Variants in PLEC observed in about 807,000 individuals in gnomAD.
PLEC encodes the protein plectin.
In PLEC, 216 loss-of-function variants were observed where a neutral mutation model predicts 392.8. That is an observed-to-expected ratio of 0.55 (90% CI 0.49 to 0.62). PLEC has a LOEUF of 0.62. Among genes scored for constraint, PLEC ranks in the 20% least tolerant of loss-of-function variants. The pLI is 0.00. For missense variants in PLEC, 6,863 were observed against 6,563.4 expected (o/e 1.05, Z -1.58); for synonymous variants, 3,621 against 2,980.6 (o/e 1.21, Z -7.00).
rs782181910 is a variant in PLEC, at chr8:143,923,061, C to A, written c.6868G>T (p.Ala2290Ser). 1 of 1,610,388 alleles carries A rather than the reference C, an allele frequency of 6.2e-7. No individual in the cohort carries two copies. The highest frequency in any genetic ancestry group is 2.2e-5 in the East Asian group (1 of 44,844). The part of the protein sequence containing the change: ...AARLSVAAQE[A>S]ARLRQLAEED... ...TCTGCCAGCTGCCGCAGTCGCGCAG[C>A]CTCTTGGGCCGCCACACTCAGCCGC... Residue 2290 changes from alanine to serine, a missense_variant, in exon 31 of 32, where the codon GCT becomes TCT. Ala to Ser is a moderately conservative substitution (Grantham distance 99). Coordinates refer to ENST00000345136, the MANE Select transcript of PLEC (RefSeq NM_201384.3).
upstream of PLEC, among the ~76,000 whole-genome samples, chr8:143,957,111 G>A (rs1453970014): frequency 6.6e-6 from 1 of 152,180 alleles, no homozygotes; most frequent in Non-Finnish European, 1.5e-5. Flanking sequence ...ATTTCAACAG[G>A]ACAGGCAGGT....
intron 1 of PLEC, among the ~76,000 whole-genome samples, chr8:143,939,121 G>A (rs1297131948): frequency 2.6e-5 from 4 of 152,194 alleles, no homozygotes; most frequent in Middle Eastern, 3.2e-3. Flanking sequence ...TCCCCAGAGC[G>A]CAGAGTTCCT....
At chr8:143,939,305 G>A (rs1298980613) in intron 1 of PLEC, 45 bp downstream of exon 1, 1 of 1,584,710 alleles carries the variant, frequency 6.3e-7, no homozygotes, top group South Asian at 1.1e-5. Flanking sequence ...CCTCCCGCAG[G>A]GGCCCGCCCT....
intron 1 of PLEC, among the ~76,000 whole-genome samples, chr8:143,960,994 G>C (rs1832845294): frequency 6.6e-6 from 1 of 152,216 alleles, no homozygotes; most frequent in Non-Finnish European, 1.5e-5. Context: ...TGGCCATGCA[G>C]AGCGGCACGT....
At position 143,923,153 on chromosome 8, in the gene PLEC, T is replaced by C. The variant is rs1823509612; in HGVS notation, c.6776A>G (p.Lys2259Arg). The C allele has an allele frequency of 3.1e-6, 5 of 1,602,778 alleles. No homozygotes were observed. Among genetic ancestry groups the C allele is most frequent in the African/African-American group, 2.7e-5 (2 of 74,902 alleles). The change falls in exon 31 of 32, where the codon AAG becomes AGG. Residue 2259 changes from lysine (K) to arginine (R), a missense_variant. Physicochemically the swap from Lys to Arg is conservative, Grantham distance 26 (BLOSUM62 2). Coordinates refer to ENST00000345136, the MANE Select transcript of PLEC (RefSeq NM_201384.3). ...AENRALILRDKDNTQRFLQEE... is the reference protein window; with the variant it reads ...AENRALILRDRDNTQRFLQEE... ...CTGCAGGAAGCGCTGCGTATTGTCC[T>C]TGTCACGCAAGATGAGTGCGCGGTT...
chr8:143,925,006 C>T lies in PLEC; in HGVS notation c.4923G>A (p.Ala1641=), dbSNP rs782278045. The T allele has an allele frequency of 3.0e-5, 48 of 1,575,028 alleles. No homozygotes were observed. The Admixed American group carries it at 5.1e-4, about 17-fold the overall frequency. ...LERWQLKANE[A]LRLRLQAEEV... is the part of the protein sequence containing the mutation. ...CCTCCGCCTGCAGCCGCAGCCGTAG[C>T]GCCTCGTTGGCCTTGAGCTGCCAGC... Residue 1641 remains alanine (A), a synonymous_variant, in exon 31 of 32, where the codon GCG becomes GCA. Coordinates refer to ENST00000345136, the MANE Select transcript of PLEC (RefSeq NM_201384.3).
Position 143,924,573 on chromosome 8 carries a change from T to C in PLEC, c.5356A>G (p.Lys1786Glu). 1 of 1,551,892 alleles carries C rather than the reference T, an allele frequency of 6.4e-7. No homozygotes were observed. The highest frequency in any genetic ancestry group is 8.7e-7 in the Non-Finnish European group (1 of 1,156,044). ...EESRSTSEKS[K>E]QRLEAEAGRF... ...CCGGCCTCGGCCTCCAGCCTCTGCT[T>C]GGACTTCTCGCTGGTGGAGCGCGAC... The change falls in exon 31 of 32, where the codon AAG (lysine) becomes GAG (glutamate). Residue 1786 changes from lysine to glutamate, a missense_variant. Physicochemically the swap from Lys to Glu is moderately conservative, Grantham distance 56 (BLOSUM62 1). Coordinates refer to ENST00000345136, the MANE Select transcript of PLEC (RefSeq NM_201384.3).
rs782534535 is a variant in PLEC, at chr8:143,922,283, T to G, written c.7538A>C (p.Lys2513Thr). Residue 2513 changes from lysine to threonine, a missense_variant, in exon 32 of 32, where the codon AAG (lysine) becomes ACG (threonine). Coordinates refer to ENST00000345136, the MANE Select transcript of PLEC (RefSeq NM_201384.3). The stretch of plus-strand genomic sequence containing the variant: ...CTGGAAGAGCTGCTCCAGCTTGGCC[T>G]TCTCCTGCTCGATGAAGCGCTCCCG... ...LQRERFIEQEKAKLEQLFQDE... is the reference protein window; with the variant it reads ...LQRERFIEQETAKLEQLFQDE... The G allele has an allele frequency of 6.2e-5, 100 of 1,606,192 alleles. No individual in the cohort carries two copies. Among genetic ancestry groups the G allele is most frequent in the Non-Finnish European group, 8.3e-5 (98 of 1,179,190 alleles).
chr8:143,970,431 C>T (rs1394752972), intron 1 of PLEC, among the ~76,000 whole-genome samples: 1 of 152,130 alleles, frequency 6.6e-6, no homozygotes, highest in Non-Finnish European at 1.5e-5. Flanking sequence ...CGGATTTGGC[C>T]GCCCCTTTAC....
chr8:143,974,171 G>T (rs1833575604), upstream of PLEC, among the ~76,000 whole-genome samples: 1 of 152,172 alleles, frequency 6.6e-6, no homozygotes, highest in Non-Finnish European at 1.5e-5. This position sits in a 1 kb window ranked among gnomAD's most constrained non-coding sequence, Gnocchi z 5.9. Context: ...TCCAGGAATC[G>T]GTCCTAAGGA....
At chr8:143,951,393 G>A (rs1035657773), upstream of PLEC, among the ~76,000 whole-genome samples, 105 of 152,148 alleles carry the variant, frequency 6.9e-4, no homozygotes, top group African/African-American at 2.3e-3. Flanking sequence ...AAGTCCGAGG[G>A]GAGCGGCTGG....
In PLEC at chr8:143,916,249, G is replaced by C; in HGVS notation, c.13572C>G (p.Ser4524=). ...AGGCGTAGCGGCGGCCGTAGCCCGA[G>C]GAGGAGTAGGAGGATGAAGAGAAGG... ...SMTFSSSSYS[S]SGYGRRYASG... Residue 4524 remains serine, a synonymous_variant, in exon 32 of 32, where the codon TCC becomes TCG. Transcript: ENST00000345136. 3 of 1,547,694 alleles carry C rather than the reference G, an allele frequency of 1.9e-6. No homozygotes were observed. The highest frequency in any genetic ancestry group is 2.6e-6 in the Non-Finnish European group (3 of 1,146,288).
At position 143,921,661 on chromosome 8, in the gene PLEC, C is replaced by G; in HGVS notation, c.8160G>C (p.Leu2720=). 6.2e-7 allele frequency: 1 copy of G among 1,613,078 alleles called. No homozygotes were observed. The highest frequency in any genetic ancestry group is 1.1e-5 in the South Asian group (1 of 91,082). Residue 2720 remains leucine, a synonymous_variant, in exon 32 of 32, where the codon CTG becomes CTC. Transcript: ENST00000345136. ...GGATGAGGGCCGTGCCGGGACTCAG[C>G]AGCTGCCTCTGCAGGGCGGCGTAAA... ...LSVYAALQRQ[L]LSPGTALILL...
At chr8:143,957,841 CCCTGCTGGGGCT>C (rs1554739664), upstream of PLEC, among the ~76,000 whole-genome samples, 1 of 150,756 alleles carries the variant, frequency 6.6e-6, no homozygotes, top group Non-Finnish European at 1.5e-5. Flanking sequence ...TGGCAGCCTG[CCCTGCTGGGGCT>C]CTCTGGTGGT....
chr8:143,961,503 C>T (rs533045847), intron 1 of PLEC, among the ~76,000 whole-genome samples: 1 of 152,188 alleles, frequency 6.6e-6, no homozygotes, highest in Non-Finnish European at 1.5e-5. Flanking sequence ...GGATTACAGG[C>T]GTGAGCCACC....
At position 143,916,009 on chromosome 8, in the gene PLEC, T is replaced by C; in HGVS notation, c.*168A>G. On this transcript the variant is annotated 3_prime_UTR_variant, in exon 32 of 32. Transcript: ENST00000345136. The stretch of plus-strand genomic sequence containing the variant: ...GCTGGGCCAGCCCTGTCCCCCAAGA[T>C]ACAGGCTGTCTGGACAGCAGATATA... 1 of 532,334 alleles carries C rather than the reference T, an allele frequency of 1.9e-6. No individual in the cohort carries two copies. Among genetic ancestry groups the C allele is most frequent in the South Asian group, 2.6e-5 (1 of 38,600 alleles). The allele number at this position is 532,334 out of a possible 1,614,324, so 33.0% of individuals were successfully genotyped here. A position where few individuals can be genotyped will look rare whatever the true frequency, so the allele number is the denominator to read the frequency against.
intron 25 of PLEC, among the ~76,000 whole-genome samples, chr8:143,928,667 C>T (rs1358434284): frequency 1.3e-5 from 2 of 151,828 alleles, no homozygotes; most frequent in Non-Finnish European, 2.9e-5. Flanking sequence ...GAGTAGACAG[C>T]GGGTGGACCT....
intron 2 of PLEC, 29 bp from the exon 3 acceptor site, chr8:143,938,269 C>A: frequency 6.4e-7 from 1 of 1,565,756 alleles, no homozygotes; most frequent in South Asian, 1.2e-5. Context: ...CTGAGGTGGC[C>A]AGTCCCCCAG....
At chr8:143,975,090 G>C, upstream of PLEC, 1 of 1,453,530 alleles carries the variant, frequency 6.9e-7, no homozygotes, top group African/African-American at 1.4e-5. The surrounding 1 kb of genome is among the most constrained non-coding windows in gnomAD (Gnocchi z 9.9). Context: ...CCCCCACCCA[G>C]TCCCCGCTCC....
Sources: gnomAD v4.1 joint callset for allele counts (sites outside exome capture counted in the v4.1 genomes callset) on GRCh38, gnomAD v4.1.1 for gene constraint, Gnocchi (gnomAD v3.1) non-coding constraint, MANE v1.5 for transcripts, NCBI Gene and HGNC (gene_info 2026-07-23, HGNC 2026-07-21) for gene names.